Variants in NCAM2 observed in about 807,000 individuals in gnomAD.
NCAM2 encodes N-CAM-2.
In NCAM2, 30 loss-of-function variants were observed where a neutral mutation model predicts 98.1. The observed-to-expected ratio is 0.31, with a 90% CI of 0.23 to 0.41. The LOEUF is 0.41. Ranked by LOEUF, NCAM2 falls within the 10% of genes least tolerant of loss-of-function variation. The pLI, the probability that NCAM2 is intolerant of heterozygous loss-of-function variation, is 1.00. For synonymous variants in NCAM2, 368 were observed against 342.4 expected (o/e 1.07, Z -0.83); for missense variants, 867 against 1,005.8 (o/e 0.86, Z 1.87).
intron 8 of NCAM2, 124 bp downstream of exon 8, chr21:21,338,658 T>TCC: frequency 9.5e-7 from 1 of 1,052,396 alleles, no homozygotes; most frequent in Non-Finnish European, 1.3e-6. Flanking sequence ...AATGGTTTGA[T>TCC]TTTTAAAAAG....
chr21:21,026,687 C>A (rs1044619165), intron 1 of NCAM2, among the ~76,000 whole-genome samples: 2 of 151,838 alleles, frequency 1.3e-5, no homozygotes, highest in African/African-American at 4.8e-5. Flanking sequence ...TTCTCTATTC[C>A]TAAGAAATTC....
intron 1 of NCAM2, among the ~76,000 whole-genome samples, chr21:21,152,137 A>T (rs1305700975): frequency 6.6e-6 from 1 of 151,346 alleles, no homozygotes; most frequent in Non-Finnish European, 1.5e-5. Context: ...TTGCTCATTT[A>T]TTTTTTTCTC....
At chr21:21,276,833 A>G (rs572129296) in intron 1 of NCAM2, among the ~76,000 whole-genome samples, 1 of 152,064 alleles carries the variant, frequency 6.6e-6, no homozygotes, top group Non-Finnish European at 1.5e-5. Flanking sequence ...CATTGTGCCC[A>G]TTCACCAAAA....
intron 6 of NCAM2, among the ~76,000 whole-genome samples, chr21:21,329,304 G>C (rs2074608060): frequency 6.6e-6 from 1 of 152,024 alleles, no homozygotes; most frequent in African/African-American, 2.4e-5. Context: ...GATATGTTTA[G>C]ATATGCAGAT....
chr21:21,025,249 C>A (rs1171831664), intron 1 of NCAM2, among the ~76,000 whole-genome samples: 1 of 151,956 alleles, frequency 6.6e-6, no homozygotes, highest in Non-Finnish European at 1.5e-5. Context: ...CCATGCCCGG[C>A]TAATTGTTTG....
At chr21:21,469,921 G>A (rs1984216189) in intron 14 of NCAM2, among the ~76,000 whole-genome samples, 1 of 151,932 alleles carries the variant, frequency 6.6e-6, no homozygotes, top group African/African-American at 2.4e-5. Context: ...ATCTTTTCTA[G>A]GGAGGTAGGC....
At chr21:21,415,490 C>T (rs1569038272) in intron 10 of NCAM2, among the ~76,000 whole-genome samples, 1 of 151,930 alleles carries the variant, frequency 6.6e-6, no homozygotes, top group Non-Finnish European at 1.5e-5. Context: ...CGCCGGCCAC[C>T]ACGCCCGGCT....
chr21:21,511,937 G>A (rs941472058), intron 16 of NCAM2, among the ~76,000 whole-genome samples: 4 of 151,732 alleles, frequency 2.6e-5, no homozygotes, highest in African/African-American at 9.7e-5. Context: ...ATTTTTAATT[G>A]GATTATTTGT....
At chr21:21,375,226 A>AC (rs1018307686) in intron 9 of NCAM2, among the ~76,000 whole-genome samples, 1 of 151,476 alleles carries the variant, frequency 6.6e-6, no homozygotes, top group African/African-American at 2.4e-5. Context: ...AAAAACAAAA[A>AC]AAAAAACACC....
At chr21:21,258,230 TTTTTTCACA>T (rs1457369849) in intron 1 of NCAM2, among the ~76,000 whole-genome samples, 1 of 152,172 alleles carries the variant, frequency 6.6e-6, no homozygotes, top group Non-Finnish European at 1.5e-5. Context: ...CTGGTAATAC[TTTTTTCACA>T]TCTGCTGAAG....
intron 1 of NCAM2, among the ~76,000 whole-genome samples, chr21:21,042,519 C>G (rs6417717): frequency 0.94 from 143,101 of 152,108 alleles, 67,935 homozygotes; most frequent in East Asian, 1. Context: ...CAGATATAAG[C>G]CTCATTTTTC....
At chr21:21,086,596 T>C (rs1447801859) in intron 1 of NCAM2, among the ~76,000 whole-genome samples, 1 of 152,130 alleles carries the variant, frequency 6.6e-6, no homozygotes, top group Non-Finnish European at 1.5e-5. Context: ...CTTCAGAGAT[T>C]AGAACCATCA....
chr21:21,282,990 A>G (rs1262805576), intron 2 of NCAM2, among the ~76,000 whole-genome samples: 1 of 151,892 alleles, frequency 6.6e-6, no homozygotes, highest in Non-Finnish European at 1.5e-5. Flanking sequence ...GTATTATTCA[A>G]ATGTAAAGAG....
chr21:21,126,718 C>T (rs1336825413), intron 1 of NCAM2, among the ~76,000 whole-genome samples: 1 of 151,920 alleles, frequency 6.6e-6, no homozygotes, highest in Non-Finnish European at 1.5e-5. Context: ...AAAGTAATGA[C>T]CTCAAACACA....
intron 1 of NCAM2, among the ~76,000 whole-genome samples, chr21:21,166,408 A>G (rs188096829): frequency 7.2e-4 from 109 of 151,730 alleles, no homozygotes; most frequent in African/African-American, 2.6e-3. Context: ...GGGTTTCACC[A>G]TGTTGGTCAA....
intron 1 of NCAM2, among the ~76,000 whole-genome samples, chr21:21,100,121 A>G (rs559992656): frequency 1.0e-3 from 156 of 151,972 alleles, no homozygotes; most frequent in Non-Finnish European, 1.7e-3. Flanking sequence ...CAAGTCTAAA[A>G]TTGATTTTTC....
chr21:21,504,375 T>A (rs888359787), intron 15 of NCAM2, among the ~76,000 whole-genome samples: 3 of 151,906 alleles, frequency 2.0e-5, no homozygotes, highest in Non-Finnish European at 2.9e-5. Context: ...ATTCTGATGA[T>A]CTTAAAAAAT....
chr21:21,043,848 G>GT (rs1277529362), intron 1 of NCAM2, among the ~76,000 whole-genome samples: 3 of 40,636 alleles, frequency 7.4e-5, no homozygotes, highest in Non-Finnish European at 1.6e-4. Flanking sequence ...GTGAGACTCC[G>GT]TCAAAAAAAA....
chr21:21,523,412 A>G (rs534546707), intron 16 of NCAM2, among the ~76,000 whole-genome samples: 1 of 151,218 alleles, frequency 6.6e-6, no homozygotes, highest in East Asian at 1.9e-4. Flanking sequence ...GCATATGGAT[A>G]TCTATCTAGT....
Sources: gnomAD v4.1 joint callset for allele counts (sites outside exome capture counted in the v4.1 genomes callset) on GRCh38, gnomAD v4.1.1 for gene constraint, MANE v1.5 for transcripts, NCBI Gene and HGNC (gene_info 2026-07-23, HGNC 2026-07-21) for gene names.